The following IFI44L variants were observed in gnomAD, a reference collection of about 807,000 sequenced individuals.
IFI44L encodes the protein interferon induced protein 44 like, also known as interferon-induced protein 44-like.
Under a neutral mutation model 39.3 loss-of-function variants are expected in IFI44L, and 40 were observed. The observed-to-expected ratio is 1.02, with a 90% CI of 0.79 to 1.33. The LOEUF (loss-of-function observed/expected upper bound fraction) is 1.33. IFI44L is among the 40% of genes most tolerant of loss of function. The probability of loss-of-function intolerance (pLI) is 0.00; values close to 1 mark genes in which losing one functional copy is unlikely to be tolerated. For synonymous variants in IFI44L, 198 were observed against 182.3 expected (o/e 1.09, Z -0.69); for missense variants, 623 against 549.0 (o/e 1.13, Z -1.35).
chr1:78,637,627 C>T (rs767619847), intron 6 of IFI44L, among the ~76,000 whole-genome samples: 1 of 152,078 alleles, frequency 6.6e-6, no homozygotes, highest in Non-Finnish European at 1.5e-5. Context: ...ACTATTCCTC[C>T]ACCATCCTTA....
intron 1 of IFI44L, chr1:78,621,093 C>G (rs1652257283): frequency 1.3e-5 from 2 of 152,080 alleles, no homozygotes; most frequent in Non-Finnish European, 2.9e-5. Context: ...TTTCATTTGT[C>G]TTTTATTTTA....
intron 5 of IFI44L, among the ~76,000 whole-genome samples, chr1:78,636,350 G>A (rs1486942380): frequency 2.0e-5 from 3 of 152,038 alleles, no homozygotes; most frequent in Non-Finnish European, 4.4e-5. Context: ...GGGATAGAGC[G>A]AAGACATTGG....
chr1:78,637,512 A>C (rs1652994425), intron 6 of IFI44L, among the ~76,000 whole-genome samples: 1 of 152,098 alleles, frequency 6.6e-6, no homozygotes, highest in Non-Finnish European at 1.5e-5. Context: ...TATTGTTAAC[A>C]ATGTGTGTTT....
At chr1:78,627,720 T>C in intron 1 of IFI44L, 186 bp from the exon 2 acceptor site, 1 of 366,958 alleles carries the variant, frequency 2.7e-6, no homozygotes, top group Admixed American at 4.5e-5. Flanking sequence ...CCTTTCTAAA[T>C]TATATATTTT....
At chr1:78,631,859 A>G (rs929325573) in intron 4 of IFI44L, among the ~76,000 whole-genome samples, 1 of 152,140 alleles carries the variant, frequency 6.6e-6, no homozygotes, top group Non-Finnish European at 1.5e-5. Context: ...CTGTTGGCAC[A>G]TTAGTATGAA....
At position 78,628,411 on chromosome 1, in the gene IFI44L, A is replaced by G; in HGVS notation, c.478+18A>G. On this transcript the variant is annotated intron_variant, in intron 2 of 8. Transcript: ENST00000370751. ...AGTTGAAGGTTTGTAAAATTAGATA[A>G]TCCTACATCTCACATTATGATTCTA... is the stretch of plus-strand genomic sequence containing the variant. 1 of 1,290,988 alleles carries G rather than the reference A, an allele frequency of 7.7e-7. No individual in the cohort carries two copies. Among genetic ancestry groups the G allele is most frequent in the Non-Finnish European group, 1.1e-6 (1 of 921,392 alleles). 80.0% of individuals were successfully genotyped at this position (1,290,988 alleles called of 1,614,324 possible).
intron 1 of IFI44L, among the ~76,000 whole-genome samples, chr1:78,624,110 G>A (rs1652393613): frequency 6.6e-6 from 1 of 152,060 alleles, no homozygotes; most frequent in East Asian, 1.9e-4. Flanking sequence ...TCCTACTTCA[G>A]CCTTCTGAGT....
chr1:78,637,786 T>C (rs562977967), intron 6 of IFI44L, among the ~76,000 whole-genome samples: 20 of 152,286 alleles, frequency 1.3e-4, no homozygotes, highest in Non-Finnish European at 2.1e-4. Flanking sequence ...AAGATGTATG[T>C]ATGTATTTAT....
chr1:78,641,194 T>C, intron 7 of IFI44L, 73 bp downstream of exon 7: 3 of 1,097,332 alleles, frequency 2.7e-6, no homozygotes, highest in Non-Finnish European at 4.2e-6. Flanking sequence ...TTTGTGTGTG[T>C]CTGTACGTGT....
intron 3 of IFI44L, 140 bp from the exon 4 acceptor site, chr1:78,629,580 T>G (rs1652662116): frequency 3.8e-6 from 2 of 522,388 alleles, no homozygotes; most frequent in Non-Finnish European, 6.6e-6. Flanking sequence ...ATAGAAGATC[T>G]CATTATCAAA....
At chr1:78,640,294 A>T (rs1238980933) in intron 6 of IFI44L, among the ~76,000 whole-genome samples, 2 of 152,148 alleles carry the variant, frequency 1.3e-5, no homozygotes, top group Non-Finnish European at 2.9e-5. Flanking sequence ...GAAAAAAATT[A>T]TAGGTGTCAA....
At chr1:78,633,320 G>A (rs767453271) in intron 4 of IFI44L, among the ~76,000 whole-genome samples, 5 of 152,116 alleles carry the variant, frequency 3.3e-5, no homozygotes, top group African/African-American at 7.2e-5. Flanking sequence ...GTTATTTGAC[G>A]GCTGAGCCTC....
At chr1:78,626,280 T>C (rs1041131831) in intron 1 of IFI44L, 3 of 152,016 alleles carry the variant, frequency 2.0e-5, no homozygotes, top group African/African-American at 7.2e-5. Context: ...ATTGTATTCA[T>C]TTTACTGTAA....
intron 3 of IFI44L, among the ~76,000 whole-genome samples, 187 bp downstream of exon 3, chr1:78,629,186 A>G (rs1399783358): frequency 6.6e-6 from 1 of 152,206 alleles, no homozygotes; most frequent in African/African-American, 2.4e-5. Flanking sequence ...ACCTGATGAC[A>G]TTGACCAATT....
In IFI44L at chr1:78,642,031, T is replaced by G. The variant is rs538954641; in HGVS notation, c.*222T>G. 6.7e-6 allele frequency: 4 copies of G among 600,984 alleles called. No individual in the cohort carries two copies. The highest frequency in any genetic ancestry group is 5.6e-5 in the African/African-American group (3 of 53,784). The allele number at this position is 600,984 out of a possible 1,614,324, so 37.2% of individuals were successfully genotyped here. A position where few individuals can be genotyped will look rare whatever the true frequency, so the allele number is the denominator to read the frequency against. On this transcript the variant is annotated 3_prime_UTR_variant, in exon 9 of 9. Transcript: ENST00000370751. ...CTCCATATTTCCGTACCATTTACAA[T>G]TCAGTTTCTGTGACATCTTTTTAAA...
chr1:78,640,947 T>G, intron 6 of IFI44L, 74 bp from the exon 7 acceptor site: 1 of 1,069,882 alleles, frequency 9.3e-7, no homozygotes, highest in Non-Finnish European at 1.4e-6. Flanking sequence ...AGAGTTGCCT[T>G]CACACATATT....
In IFI44L at chr1:78,637,223, T is replaced by TA. The variant is rs779517126; in HGVS notation, c.1048+27dup. 6.4e-7 allele frequency: 1 copy of TA among 1,551,758 alleles called. No homozygotes were observed. Among genetic ancestry groups the TA allele is most frequent in the South Asian group, 1.2e-5 (1 of 84,108 alleles). ...ACTGTGGTGAGTCTCACTGAACTTATAAAAAAATTTACTTTGAAATAATTA... is the reference window on the plus strand; with the variant it reads ...ACTGTGGTGAGTCTCACTGAACTTATAAAAAAAATTTACTTTGAAATAATTA... On this transcript the variant is annotated intron_variant, in intron 6 of 8. Transcript: ENST00000370751.
At chr1:78,635,046 A>G in intron 4 of IFI44L, among the ~76,000 whole-genome samples, 1 of 150,106 alleles carries the variant, frequency 6.7e-6, no homozygotes, top group East Asian at 1.9e-4. Context: ...ATATATATAC[A>G]CACACGTTTT....
chr1:78,625,946 TAAA>T (rs896534334), intron 1 of IFI44L: 1 of 151,876 alleles, frequency 6.6e-6, no homozygotes, highest in Admixed American at 6.6e-5. Flanking sequence ...ATCTTCTTGT[TAAA>T]AAAATTCTGG....
Sources: allele counts gnomAD v4.1 joint callset (sites outside exome capture counted in the v4.1 genomes callset), GRCh38; gene constraint gnomAD v4.1.1; transcripts MANE v1.5; gene names NCBI Gene and HGNC (gene_info 2026-07-23, HGNC 2026-07-21).